The following TFPT variants were observed in gnomAD, a reference collection of about 807,000 sequenced individuals.
TFPT encodes the protein TCF3 fusion partner.
Under a neutral mutation model 28.8 loss-of-function variants are expected in TFPT, and 27 were observed. That is an observed-to-expected ratio of 0.94 (90% confidence interval 0.69 to 1.29). The LOEUF is 1.29. Ranked by LOEUF, TFPT falls within the 50% of genes most tolerant of loss-of-function variation. The pLI, the probability that TFPT is intolerant of heterozygous loss-of-function variation, is 0.00. For synonymous variants in TFPT, 152 were observed against 142.8 expected (o/e 1.06, Z -0.46); for missense variants, 330 against 338.0 (o/e 0.98, Z 0.19).
rs587627088 is a variant in TFPT at position 54,115,332 on chromosome 19, C to G, written c.-63G>C. ...CGACCTCTTCAATCTGTAGGTTAAGCCGTTCGCAAAACTACTTGTCCCATC... is the reference window on the plus strand; with the variant it reads ...CGACCTCTTCAATCTGTAGGTTAAGGCGTTCGCAAAACTACTTGTCCCATC... On this transcript the variant is annotated 5_prime_UTR_variant, in exon 1 of 6. Coordinates refer to ENST00000391759, the MANE Select transcript of TFPT (RefSeq NM_013342.4). 77 of 1,612,384 alleles carry G rather than the reference C, an allele frequency of 4.8e-5. 1 individual carries two copies. The South Asian group carries it at 8.2e-4, about 17-fold the overall frequency.
intron 1 of TFPT, chr19:54,114,920 C>G (rs999389194): frequency 2.8e-6 from 2 of 709,880 alleles, no homozygotes; most frequent in Non-Finnish European, 4.5e-6. Context: ...CCACAGGGTT[C>G]AAGCCCTGAC....
chr19:54,110,942 T>C (rs2073436883), intron 2 of TFPT, among the ~76,000 whole-genome samples: 1 of 152,196 alleles, frequency 6.6e-6, no homozygotes, highest in Admixed American at 6.5e-5. Flanking sequence ...ACATCCTCGA[T>C]GAACATTTGC....
chr19:54,114,635 G>A lies in TFPT; in HGVS notation c.89C>T (p.Pro30Leu). 1.2e-6 allele frequency: 2 copies of A among 1,614,054 alleles called. No homozygotes were observed. Among genetic ancestry groups the A allele is most frequent in the Non-Finnish European group, 1.7e-6 (2 of 1,180,034 alleles). Residue 30 changes from proline (P) to leucine (L), a missense_variant, in exon 2 of 6, where the codon CCC (proline) becomes CTC (leucine). By Grantham distance (98) the Pro-to-Leu change is moderately conservative. Coordinates refer to ENST00000391759, the MANE Select transcript of TFPT (RefSeq NM_013342.4). The stretch of plus-strand genomic sequence containing the variant: ...CTCCAGGATGTGGCCACCAAATAGG[G>A]GAGGCAACGCCAACTCTGAGCCTGG... ...APPGSELALP[P>L]LFGGHILESE...
chr19:54,112,369 G>C (rs2073480184), intron 2 of TFPT, among the ~76,000 whole-genome samples: 1 of 152,120 alleles, frequency 6.6e-6, no homozygotes, highest in African/African-American at 2.4e-5. Context: ...ATCTATTCCT[G>C]GGGGTGGATT....
In TFPT at chr19:54,115,178, T is replaced by C; in HGVS notation, c.23+69A>G. 4.3e-6 allele frequency: 7 copies of C among 1,611,224 alleles called. No homozygotes were observed. The South Asian group carries it at 4.4e-5, about 10-fold the overall frequency. ...TCAGACCTCAGCGTAAAAGCTCATA[T>C]GGTTGCACACAATGCAGCTGCACTG... On this transcript the variant is annotated intron_variant, in intron 1 of 5. Coordinates refer to ENST00000391759, the MANE Select transcript of TFPT (RefSeq NM_013342.4).
chr19:54,114,604 C>T lies in TFPT; in HGVS notation c.120G>A (p.Glu40=). ...PLFGGHILES[E]LETEVEFVSG... is the part of the protein sequence containing the mutation. ...ACACAAACTCCACTTCCGTCTCCAG[C>T]TCGCTCTCCAGGATGTGGCCACCAA... The change falls in exon 2 of 6, where the codon GAG becomes GAA. Residue 40 remains glutamate (E), a synonymous_variant. Coordinates refer to ENST00000391759, the MANE Select transcript of TFPT (RefSeq NM_013342.4). 1 of 1,614,142 alleles carries T rather than the reference C, an allele frequency of 6.2e-7. No homozygotes were observed. Among genetic ancestry groups the T allele is most frequent in the Non-Finnish European group, 8.5e-7 (1 of 1,180,042 alleles).
chr19:54,115,093 G>C, intron 1 of TFPT, 154 bp downstream of exon 1: 1 of 1,181,938 alleles, frequency 8.5e-7, no homozygotes, highest in South Asian at 1.3e-5. Flanking sequence ...CCTCCCTCAG[G>C]ATGACCCCAG....
chr19:54,110,732 C>A (rs587657584), intron 2 of TFPT, among the ~76,000 whole-genome samples: 1 of 152,106 alleles, frequency 6.6e-6, no homozygotes, highest in East Asian at 1.9e-4. Context: ...ACCCGACCCC[C>A]CTTCCCATGC....
chr19:54,113,074 C>T (rs1225172508), intron 2 of TFPT, among the ~76,000 whole-genome samples: 1 of 104,262 alleles, frequency 9.6e-6, no homozygotes, highest in South Asian at 3.3e-4. Context: ...GCCTGGGAGA[C>T]AAGAGCGAGA....
chr19:54,107,550 GCCTC>G, intron 5 of TFPT: 1 of 293,564 alleles, frequency 3.4e-6, no homozygotes. Context: ...CACCTGGCCA[GCCTC>G]ACAGTTCTTG....
At position 54,110,101 on chromosome 19, in the gene TFPT, G is replaced by A. The variant is rs762665827; in HGVS notation, c.303C>T (p.Asn101=). Residue 101 remains asparagine, a synonymous_variant, in exon 3 of 6, where the codon AAC becomes AAT. Coordinates refer to ENST00000391759, the MANE Select transcript of TFPT (RefSeq NM_013342.4). The part of the protein sequence containing the change: ...EIEQVNERVL[N]RLHQVQRITR... ...TTATCCTCTGCACCTGATGGAGCCT[G>A]TTCAGGACCCGCTCGTTCACCTATG... 1.3e-5 allele frequency: 21 copies of A among 1,614,048 alleles called. No individual in the cohort carries two copies. The highest frequency in any genetic ancestry group is 1.7e-5 in the Non-Finnish European group (20 of 1,180,040).
rs1259651286 is a variant in TFPT, at chr19:54,108,120, G to T, written c.548C>A (p.Pro183His). ...CTTCCGCCCACTGGGCCCCTCACCG[G>T]GGGCTGGGCTGCCGGGTTCTGGGGG... ...PAPPEPGSPAPGEGPSGRKRR... is the reference protein window; with the variant it reads ...PAPPEPGSPAHGEGPSGRKRR... The change falls in exon 5 of 6, where the codon CCC (proline) becomes CAC (histidine). Residue 183 changes from proline to histidine, a missense_variant. Coordinates refer to ENST00000391759, the MANE Select transcript of TFPT (RefSeq NM_013342.4). 6.3e-7 allele frequency: 1 copy of T among 1,576,158 alleles called. No homozygotes were observed. The highest frequency in any genetic ancestry group is 1.4e-5 in the African/African-American group (1 of 73,602).
chr19:54,115,337 C>T lies in TFPT; in HGVS notation c.-68G>A. The stretch of plus-strand genomic sequence containing the variant: ...TCTTCAATCTGTAGGTTAAGCCGTT[C>T]GCAAAACTACTTGTCCCATCAGGCT... On this transcript the variant is annotated 5_prime_UTR_variant, in exon 1 of 6. Transcript: ENST00000391759. 1.2e-6 allele frequency: 2 copies of T among 1,609,758 alleles called. No homozygotes were observed. Among genetic ancestry groups the T allele is most frequent in the Admixed American group, 1.7e-5 (1 of 60,004 alleles).
chr19:54,115,232 G>A lies in TFPT; in HGVS notation c.23+15C>T, dbSNP rs1379540467. 1.2e-6 allele frequency: 2 copies of A among 1,614,042 alleles called. No homozygotes were observed. The highest frequency in any genetic ancestry group is 1.7e-6 in the Non-Finnish European group (2 of 1,180,024). ...TCTGGGATTCGCACTTTTTCACAAG[G>A]GCTCAGCCACATACCCTTCTCTCTG... On this transcript the variant is annotated intron_variant, in intron 1 of 5. Coordinates refer to ENST00000391759, the MANE Select transcript of TFPT (RefSeq NM_013342.4).
At chr19:54,107,275 G>A in intron 5 of TFPT, 106 bp from the exon 6 acceptor site, 1 of 1,470,086 alleles carries the variant, frequency 6.8e-7, no homozygotes. Flanking sequence ...AAGAGACAGG[G>A]TCTCACTCTG....
At chr19:54,112,308 A>G (rs2073478940) in intron 2 of TFPT, among the ~76,000 whole-genome samples, 1 of 151,510 alleles carries the variant, frequency 6.6e-6, no homozygotes, top group African/African-American at 2.4e-5. Flanking sequence ...GCTTGGGTGC[A>G]TTACTTAACC....
rs1420421950 is a variant in TFPT, at chr19:54,108,189, G to T, written c.479C>A (p.Pro160His). The T allele has an allele frequency of 6.3e-7, 1 of 1,598,276 alleles. No homozygotes were observed. Among genetic ancestry groups the T allele is most frequent in the Admixed American group, 1.7e-5 (1 of 58,594 alleles). Residue 160 changes from proline (P) to histidine (H), a missense_variant, in exon 5 of 6, where the codon CCT becomes CAT. Physicochemically the swap from Pro to His is moderately conservative, Grantham distance 77. Coordinates refer to ENST00000391759, the MANE Select transcript of TFPT (RefSeq NM_013342.4). The stretch of plus-strand genomic sequence containing the variant: ...CGGGGACAGTGTCTCTTTCTCTGGA[G>T]GCTCATTCTCCGCATTGCCTGGGGT... ...APTPGNAENE[P>H]PEKETLSPPR...
At chr19:54,112,136 G>A (rs1207414308) in intron 2 of TFPT, among the ~76,000 whole-genome samples, 1 of 151,578 alleles carries the variant, frequency 6.6e-6, no homozygotes, top group Non-Finnish European at 1.5e-5. Context: ...GGGCTTGGTG[G>A]CTGTAGTCCC....
intron 3 of TFPT, 39 bp downstream of exon 3, chr19:54,110,012 T>C (rs1242806444): frequency 6.2e-7 from 1 of 1,604,276 alleles, no homozygotes. Flanking sequence ...ATTTGGGAGC[T>C]GAGGCTCACA....
Sources: allele counts gnomAD v4.1 joint callset (sites outside exome capture counted in the v4.1 genomes callset), GRCh38; gene constraint gnomAD v4.1.1; transcripts MANE v1.5; gene names NCBI Gene and HGNC (gene_info 2026-07-23, HGNC 2026-07-21).